Variants in SLC24A4 observed in about 807,000 individuals in gnomAD.
SLC24A4 encodes solute carrier family 24 member 4.
In SLC24A4, 53 loss-of-function variants were observed where a neutral mutation model predicts 79.0. The observed-to-expected ratio is 0.67, with a 90% confidence interval of 0.54 to 0.84. The LOEUF is 0.84. Among genes scored for constraint, SLC24A4 ranks in the 40% least tolerant of loss-of-function variants. The pLI is 0.00. For missense variants in SLC24A4, 731 were observed against 822.0 expected, an observed-to-expected ratio of 0.89 and a Z score of 1.35; for synonymous variants, 323 against 323.8, an observed-to-expected ratio of 1.00 and a Z score of 0.03.
At chr14:92,442,985 T>C (rs1193210345) in intron 6 of SLC24A4, among the ~76,000 whole-genome samples, 169 bp downstream of exon 6, 1 of 152,170 alleles carries the variant, frequency 6.6e-6, no homozygotes, top group East Asian at 1.9e-4. Flanking sequence ...AGCATGAAGC[T>C]GGATTGTCAT....
chr14:92,394,483 T>C (rs2141745826), intron 2 of SLC24A4, among the ~76,000 whole-genome samples: 1 of 152,242 alleles, frequency 6.6e-6, no homozygotes, highest in East Asian at 1.9e-4. Context: ...TATCCACCCA[T>C]AGTCCCAGCC....
Position 92,377,907 on chromosome 14 carries a change from C to T in SLC24A4, c.241+51929C>T, listed in dbSNP as rs571721114. Among the ~76,000 whole-genome samples, 10 of 151,396 alleles carry T rather than the reference C, an allele frequency of 6.6e-5. No homozygotes were observed. The East Asian group carries it at 2.0e-3, about 30-fold the overall frequency. On this transcript the variant is annotated intron_variant, in intron 2 of 16. Transcript: ENST00000532405. ...GAAGGGCTGGGGCTGACTCTGGCCACCAGCTTGGGGAAGCAGGGTGTTGAT... is the reference window on the plus strand; with the variant it reads ...GAAGGGCTGGGGCTGACTCTGGCCATCAGCTTGGGGAAGCAGGGTGTTGAT...
intron 13 of SLC24A4, chr14:92,483,855 G>A (rs1478536908): frequency 7.8e-7 from 1 of 1,289,624 alleles, no homozygotes; most frequent in Admixed American, 2.3e-5. Flanking sequence ...CCTGACACCA[G>A]CAGCAGAGAA....
intron 2 of SLC24A4, among the ~76,000 whole-genome samples, chr14:92,368,175 T>A (rs1478190903): frequency 6.6e-6 from 1 of 152,200 alleles, no homozygotes; most frequent in Non-Finnish European, 1.5e-5. Flanking sequence ...ACCTTTGGGA[T>A]TATCTTTTAT....
intron 2 of SLC24A4, among the ~76,000 whole-genome samples, chr14:92,359,455 C>T (rs193029905): frequency 7.9e-5 from 12 of 151,892 alleles, no homozygotes; most frequent in East Asian, 1.9e-4. Flanking sequence ...AAGAATTAGC[C>T]GGGTGTGGTG....
intron 10 of SLC24A4, chr14:92,452,752 G>C (rs929355158): frequency 6.6e-6 from 1 of 152,282 alleles, no homozygotes; most frequent in Non-Finnish European, 1.5e-5. Context: ...AGAGGTTAGC[G>C]TCCATCTCTG....
chr14:92,370,208 A>G (rs999716570), intron 2 of SLC24A4, among the ~76,000 whole-genome samples: 2 of 152,228 alleles, frequency 1.3e-5, no homozygotes, highest in African/African-American at 4.8e-5. Flanking sequence ...TGAAGAACCC[A>G]AAAAAGGATT....
chr14:92,483,624 C>T (rs1031583214), intron 13 of SLC24A4: 4 of 713,044 alleles, frequency 5.6e-6, no homozygotes, highest in South Asian at 1.5e-5. Flanking sequence ...CCCATGTAAA[C>T]CTTTCATCGG....
chr14:92,446,764 G>C (rs1892818855), intron 8 of SLC24A4, among the ~76,000 whole-genome samples: 1 of 152,240 alleles, frequency 6.6e-6, no homozygotes, highest in Non-Finnish European at 1.5e-5. Context: ...CTGCTCCAGG[G>C]GCTTGTGGTC....
chr14:92,484,351 GTC>G (rs1895241688), intron 13 of SLC24A4: 24 of 985,234 alleles, frequency 2.4e-5, no homozygotes, highest in Non-Finnish European at 2.9e-5. Context: ...CAGCCCTCCT[GTC>G]CCTGTGGCAG....
At chr14:92,369,103 C>A (rs1888011860) in intron 2 of SLC24A4, among the ~76,000 whole-genome samples, 1 of 152,224 alleles carries the variant, frequency 6.6e-6, no homozygotes, top group South Asian at 2.1e-4. Context: ...CAGCCCTAGG[C>A]CCACCCACAT....
Position 92,497,722 on chromosome 14 carries a change from T to C in SLC24A4, c.*4094T>C, listed in dbSNP as rs1895979424. ...TCAGCAGTTGAGAAGCAGAGACCTT[T>C]CTGCCCTGGGTGAATGGGTCCTTGG... On this transcript the variant is annotated 3_prime_UTR_variant, in exon 17 of 17. Transcript: ENST00000532405. The C allele has an allele frequency of 6.6e-6, 1 of 152,296 alleles. No homozygotes were observed. The highest frequency in any genetic ancestry group is 1.5e-5 in the Non-Finnish European group (1 of 68,104). 9.4% of individuals were successfully genotyped at this position (152,296 alleles called of 1,614,324 possible). A position where few individuals can be genotyped will look rare whatever the true frequency, so the allele number is the denominator to read the frequency against.
chr14:92,449,845 G>A (rs749696942), intron 10 of SLC24A4, among the ~76,000 whole-genome samples: 7 of 152,224 alleles, frequency 4.6e-5, no homozygotes, highest in Admixed American at 1.3e-4. Flanking sequence ...CCCCTTGTCC[G>A]GGAACTGGGG....
At chr14:92,347,311 A>G (rs17128179) in intron 2 of SLC24A4, among the ~76,000 whole-genome samples, 8,124 of 152,288 alleles carry the variant, frequency 0.053, 449 homozygotes, top group African/African-American at 0.14. Flanking sequence ...AGCCAAAGGC[A>G]TTAGGAGACT....
chr14:92,362,711 G>A (rs890326132), intron 2 of SLC24A4, among the ~76,000 whole-genome samples: 4 of 152,206 alleles, frequency 2.6e-5, no homozygotes, highest in African/African-American at 9.6e-5. Flanking sequence ...CCAGTGTGCT[G>A]CGTCCCAAGT....
chr14:92,458,068 G>A (rs1311072693), intron 12 of SLC24A4, among the ~76,000 whole-genome samples: 1 of 152,194 alleles, frequency 6.6e-6, no homozygotes, highest in Non-Finnish European at 1.5e-5. Flanking sequence ...GAGATTCCAG[G>A]GCATGCTCGT....
In SLC24A4 at chr14:92,494,610, C is replaced by T. The variant is rs541752274; in HGVS notation, c.*982C>T. The T allele has an allele frequency of 1.3e-5, 2 of 152,338 alleles. No homozygotes were observed. The highest frequency in any genetic ancestry group is 4.1e-4 in the South Asian group (2 of 4,834). The allele number at this position is 152,338 out of a possible 1,614,324, so 9.4% of individuals were successfully genotyped here. ...ATTGGTTAATGCTCTAGTTTCAAAA[C>T]CACCCTGTTGAAAGTTCCAGTTATT... On this transcript the variant is annotated 3_prime_UTR_variant, in exon 17 of 17. Transcript: ENST00000532405. The surrounding 1 kb of genome is among the most constrained non-coding windows in gnomAD (Gnocchi z 4.6).
At chr14:92,467,071 C>G (rs1165300536) in intron 12 of SLC24A4, among the ~76,000 whole-genome samples, 2 of 152,188 alleles carry the variant, frequency 1.3e-5, no homozygotes, top group Non-Finnish European at 2.9e-5. Flanking sequence ...TCTCCCTCCC[C>G]ACAAAGGCCA....
At position 92,454,004 on chromosome 14, in the gene SLC24A4, A is replaced by G; in HGVS notation, c.985A>G (p.Met329Val). ...FTFPEAGLRI[M>V]ITNKFGPRTR... ...CTTCCCTGAAGCAGGCTTACGAATC[A>G]TGATCACCAATAAGTTTGGACCCAG... is the stretch of plus-strand genomic sequence containing the variant. The change falls in exon 11 of 17, where the codon ATG becomes GTG. Residue 329 changes from methionine to valine, a missense_variant. Coordinates refer to ENST00000532405, the MANE Select transcript of SLC24A4 (RefSeq NM_153646.4). The G allele has an allele frequency of 6.2e-7, 1 of 1,613,876 alleles. No homozygotes were observed. The highest frequency in any genetic ancestry group is 8.5e-7 in the Non-Finnish European group (1 of 1,179,870).
Sources: gnomAD v4.1 joint callset for allele counts (sites outside exome capture counted in the v4.1 genomes callset) on GRCh38, gnomAD v4.1.1 for gene constraint, Gnocchi (gnomAD v3.1) non-coding constraint, MANE v1.5 for transcripts, NCBI Gene and HGNC (gene_info 2026-07-23, HGNC 2026-07-21) for gene names.